The following FBXW11 variants were observed in gnomAD, a reference collection of about 807,000 sequenced individuals.
The protein encoded by FBXW11 is F-box and WD repeat domain containing 11, also known as F-box/WD repeat-containing protein 11.
FBXW11 carries 19 observed loss-of-function variants against 77.6 expected under a neutral mutation model. That is an observed-to-expected ratio of 0.24 (90% CI 0.17 to 0.36). FBXW11 has a LOEUF of 0.36. Ranked by LOEUF, FBXW11 falls within the 10% of genes least tolerant of loss-of-function variation. The pLI is 1.00. For synonymous variants in FBXW11, 235 were observed against 249.4 expected (o/e 0.94, Z 0.54); for missense variants, 334 against 704.2 (o/e 0.47, Z 5.95).
chr5:171,900,634 C>A (rs540609938), intron 4 of FBXW11, among the ~76,000 whole-genome samples: 2 of 152,276 alleles, frequency 1.3e-5, no homozygotes, highest in African/African-American at 2.4e-5. Flanking sequence ...AGGCAAAACA[C>A]CGACTCATCT....
At chr5:171,923,897 G>C (rs923788858) in intron 2 of FBXW11, among the ~76,000 whole-genome samples, 1 of 143,274 alleles carries the variant, frequency 7.0e-6, no homozygotes, top group Non-Finnish European at 1.5e-5. Flanking sequence ...AGGGTCCGCG[G>C]TGAAACCCCA....
intron 7 of FBXW11, among the ~76,000 whole-genome samples, chr5:171,887,005 C>T (rs1328316077): frequency 1.3e-5 from 2 of 151,622 alleles, no homozygotes; most frequent in Non-Finnish European, 2.9e-5. Flanking sequence ...GGTGACAGAG[C>T]GAGACTCTGT....
chr5:171,984,812 A>G (rs1369246474), intron 1 of FBXW11, among the ~76,000 whole-genome samples: 1 of 152,190 alleles, frequency 6.6e-6, no homozygotes, highest in Non-Finnish European at 1.5e-5. Context: ...TTTATGCACA[A>G]TTTTCAAAAA....
chr5:171,947,673 ATTATTG>A lies in FBXW11; in HGVS notation c.147+9918_147+9923del, dbSNP rs529014260. Among the ~76,000 whole-genome samples the A allele has an allele frequency of 2.9e-3, 435 of 152,326 alleles. 3 individuals carry two copies. The highest frequency in any genetic ancestry group is 4.8e-3 in the Non-Finnish European group (325 of 68,034). Reference sequence around the variant, plus strand: ...TGTCCATTAATAAGAGACTGATTAAATTATTGTATACCCAGACAATGAAATTGCAGT... The same window carrying A: ...TGTCCATTAATAAGAGACTGATTAAATATACCCAGACAATGAAATTGCAGT... On this transcript the variant is annotated intron_variant, in intron 2 of 13. Transcript: ENST00000517395.
chr5:171,885,402 G>A (rs1302609534), intron 7 of FBXW11, among the ~76,000 whole-genome samples: 1 of 152,068 alleles, frequency 6.6e-6, no homozygotes, highest in Non-Finnish European at 1.5e-5. Flanking sequence ...TTCAATTACG[G>A]TTCAGGTTAC....
chr5:171,925,923 A>C (rs1247488602), intron 2 of FBXW11, among the ~76,000 whole-genome samples: 1 of 152,230 alleles, frequency 6.6e-6, no homozygotes, highest in Non-Finnish European at 1.5e-5. Flanking sequence ...TTAGAAGAAC[A>C]ATGATAGGGG....
At chr5:171,878,199 C>T (rs553833415) in intron 7 of FBXW11, 70 bp from the exon 8 acceptor site, 206 of 1,059,384 alleles carry the variant, frequency 1.9e-4, no homozygotes, top group Non-Finnish European at 2.8e-4. Flanking sequence ...ACTGTCCCAC[C>T]TTATGTTCTG....
intron 1 of FBXW11, among the ~76,000 whole-genome samples, chr5:171,978,418 C>A (rs147619988): frequency 6.6e-6 from 1 of 152,066 alleles, no homozygotes; most frequent in Non-Finnish European, 1.5e-5. Flanking sequence ...AAAAACTGGA[C>A]GAGAAATAGG....
At chr5:171,892,435 C>G (rs1207069260) in intron 6 of FBXW11, among the ~76,000 whole-genome samples, 1 of 152,244 alleles carries the variant, frequency 6.6e-6, no homozygotes, top group Non-Finnish European at 1.5e-5. Flanking sequence ...GGAAATCACA[C>G]TCAGTTCTTT....
chr5:171,902,145 G>A (rs190797578), intron 4 of FBXW11, among the ~76,000 whole-genome samples: 2 of 152,202 alleles, frequency 1.3e-5, no homozygotes, highest in Non-Finnish European at 2.9e-5. Context: ...TGTCCTCGGA[G>A]GTATTTGGAA....
chr5:171,928,439 C>T (rs935883900), intron 2 of FBXW11, among the ~76,000 whole-genome samples: 1 of 152,192 alleles, frequency 6.6e-6, no homozygotes, highest in African/African-American at 2.4e-5. Context: ...GAACAGACAA[C>T]ATAATCTTGA....
chr5:171,879,729 T>C (rs1159384929), intron 7 of FBXW11, among the ~76,000 whole-genome samples: 1 of 152,262 alleles, frequency 6.6e-6, no homozygotes, highest in South Asian at 2.1e-4. Context: ...ATACTTACAA[T>C]ATGCCATCTG....
intron 1 of FBXW11, among the ~76,000 whole-genome samples, chr5:171,961,167 T>A (rs1763889537): frequency 6.6e-6 from 1 of 152,184 alleles, no homozygotes; most frequent in Non-Finnish European, 1.5e-5. Flanking sequence ...GGGTTGGTGC[T>A]AAGGTCTGAG....
At chr5:171,961,632 G>C (rs1436505430) in intron 1 of FBXW11, among the ~76,000 whole-genome samples, 1 of 149,268 alleles carries the variant, frequency 6.7e-6, no homozygotes, top group Admixed American at 6.6e-5. Context: ...TTACAGCTAG[G>C]ACCACAACAG....
chr5:171,968,734 C>T (rs916745958), intron 1 of FBXW11, among the ~76,000 whole-genome samples: 27 of 152,210 alleles, frequency 1.8e-4, no homozygotes, highest in Admixed American at 1.4e-3. Context: ...TACTAGTGCC[C>T]CTGTCCCCAC....
At chr5:171,954,136 T>C (rs1367876270) in intron 2 of FBXW11, among the ~76,000 whole-genome samples, 1 of 152,226 alleles carries the variant, frequency 6.6e-6, no homozygotes, top group Non-Finnish European at 1.5e-5. Context: ...GCCAGTCTAT[T>C]ACATCATGCT....
intron 1 of FBXW11, among the ~76,000 whole-genome samples, chr5:171,970,229 G>A (rs1764446571): frequency 6.6e-6 from 1 of 152,176 alleles, no homozygotes; most frequent in Non-Finnish European, 1.5e-5. Context: ...TTGGTGGGAG[G>A]TGACTGGATC....
chr5:171,923,308 T>C (rs1554101068), intron 2 of FBXW11, among the ~76,000 whole-genome samples: 2 of 152,206 alleles, frequency 1.3e-5, no homozygotes, highest in Non-Finnish European at 2.9e-5. Context: ...CTTTCTCAAA[T>C]ATATTATTAC....
chr5:171,901,347 A>T (rs6863665), intron 4 of FBXW11, among the ~76,000 whole-genome samples: 2,549 of 152,304 alleles, frequency 0.017, 74 homozygotes, highest in African/African-American at 0.055. Flanking sequence ...AAACTTTCAG[A>T]GTCAGTTTCC....
Sources: gnomAD v4.1 joint callset for allele counts (sites outside exome capture counted in the v4.1 genomes callset) on GRCh38, gnomAD v4.1.1 for gene constraint, MANE v1.5 for transcripts, NCBI Gene and HGNC (gene_info 2026-07-23, HGNC 2026-07-21) for gene names.